The following GPR37L1 variants were observed in gnomAD, a reference collection of about 807,000 sequenced individuals.
GPR37L1 encodes G protein-coupled receptor 37 like 1, also known as G protein-coupled receptor 37-like 1.
A neutral mutation model predicts 18.0 loss-of-function variants in GPR37L1; 18 were observed. That is an observed-to-expected ratio of 1.00 (90% CI 0.69 to 1.49). GPR37L1 has a LOEUF of 1.49. Ranked by LOEUF, GPR37L1 falls within the 40% of genes most tolerant of loss-of-function variation. The pLI is 0.00. For synonymous variants in GPR37L1, 256 were observed against 273.9 expected (o/e 0.93, Z 0.65); for missense variants, 558 against 615.1 (o/e 0.91, Z 0.98).
Position 202,128,355 on chromosome 1 carries a change from G to T in GPR37L1, c.1245G>T (p.Leu415=). Residue 415 remains leucine (L), a synonymous_variant, in exon 2 of 2, where the codon CTG becomes CTT. Coordinates refer to ENST00000367282, the MANE Select transcript of GPR37L1 (RefSeq NM_004767.5). ...TFFKGAITPV[L]LLCICRPLGQ... ...TCAAGGGCGCCATCACCCCAGTGCT[G>T]CTCCTTTGCATCTGCAGGCCGCTGG... 6.2e-7 allele frequency: 1 copy of T among 1,614,214 alleles called. No homozygotes were observed. The highest frequency in any genetic ancestry group is 8.5e-7 in the Non-Finnish European group (1 of 1,180,046).
Position 202,123,097 on chromosome 1 carries a change from A to G in GPR37L1, c.134A>G (p.Lys45Arg). Residue 45 changes from lysine (K) to arginine (R), a missense_variant, in exon 1 of 2, where the codon AAG (lysine) becomes AGG (arginine). By Grantham distance (26) the Lys-to-Arg change is conservative. Coordinates refer to ENST00000367282, the MANE Select transcript of GPR37L1 (RefSeq NM_004767.5). ...ACCCAGGAGCAGCAGAGCCGATCCA[A>G]GAGGGGCACCGAGGATGAGGAGGCC... ...AETQEQQSRS[K>R]RGTEDEEAKG... is the part of the protein sequence containing the mutation. 1 of 1,613,780 alleles carries G rather than the reference A, an allele frequency of 6.2e-7. No individual in the cohort carries two copies. The highest frequency in any genetic ancestry group is 8.5e-7 in the Non-Finnish European group (1 of 1,179,922).
In GPR37L1 at chr1:202,128,476, A is replaced by G. The variant is rs1469979555; in HGVS notation, c.1366A>G (p.Lys456Glu). Reference protein sequence around the residue: ...SAANGSDNKLKTEVSSSIYFH... With the variant: ...SAANGSDNKLETEVSSSIYFH... ...TGCCAATGGGTCGGACAACAAGCTC[A>G]AGACCGAGGTGTCCTCTTCCATCTA... Residue 456 changes from lysine (K) to glutamate (E), a missense_variant, in exon 2 of 2, where the codon AAG becomes GAG. Transcript: ENST00000367282. 6.2e-7 allele frequency: 1 copy of G among 1,609,852 alleles called. No homozygotes were observed. Among genetic ancestry groups the G allele is most frequent in the Non-Finnish European group, 8.5e-7 (1 of 1,177,846 alleles).
rs2147807814 is a variant in GPR37L1, at chr1:202,130,782, C to T, written c.*2226C>T. ...CCCCCTGCCAGGCCCGGAAGTACCA[C>T]CAGCTTCCTAAGGGATGCAGGAAGG... is the stretch of plus-strand genomic sequence containing the variant. On this transcript the variant is annotated 3_prime_UTR_variant, in exon 2 of 2. Coordinates refer to ENST00000367282, the MANE Select transcript of GPR37L1 (RefSeq NM_004767.5). The T allele has an allele frequency of 6.6e-6, 1 of 152,456 alleles. No individual in the cohort carries two copies. Among genetic ancestry groups the T allele is most frequent in the South Asian group, 2.1e-4 (1 of 4,836 alleles). The allele number at this position is 152,456 out of a possible 1,614,324, so 9.4% of individuals were successfully genotyped here. A position where few individuals can be genotyped will look rare whatever the true frequency, so the allele number is the denominator to read the frequency against.
In GPR37L1 at chr1:202,128,349, A is replaced by G. The variant is rs1654735290; in HGVS notation, c.1239A>G (p.Pro413=). Residue 413 remains proline, a synonymous_variant, in exon 2 of 2, where the codon CCA becomes CCG. Transcript: ENST00000367282. The part of the protein sequence containing the change: ...FSTFFKGAIT[P]VLLLCICRPL... ...CCTTCTTCAAGGGCGCCATCACCCC[A>G]GTGCTGCTCCTTTGCATCTGCAGGC... The G allele has an allele frequency of 3.7e-6, 6 of 1,614,148 alleles. No homozygotes were observed. Among genetic ancestry groups the G allele is most frequent in the Non-Finnish European group, 5.1e-6 (6 of 1,180,018 alleles).
intron 1 of GPR37L1, among the ~76,000 whole-genome samples, chr1:202,126,322 C>A (rs1250210483): frequency 6.6e-6 from 1 of 151,892 alleles, no homozygotes; most frequent in Non-Finnish European, 1.5e-5. Flanking sequence ...GCAGGAGAAT[C>A]ACTTGAACCC....
At chr1:202,126,535 G>A (rs1437126679) in intron 1 of GPR37L1, among the ~76,000 whole-genome samples, 1 of 152,222 alleles carries the variant, frequency 6.6e-6, no homozygotes, top group African/African-American at 2.4e-5. Flanking sequence ...TGTGCTAAAA[G>A]CTGGGGATTG....
In GPR37L1 at chr1:202,128,745, C is replaced by T; in HGVS notation, c.*189C>T. ...CCTTTCCTGTCCCTTGTGGGGCCTTCCAACCCTGTCCTTTCCACTGGTGGG... is the reference window on the plus strand; with the variant it reads ...CCTTTCCTGTCCCTTGTGGGGCCTTTCAACCCTGTCCTTTCCACTGGTGGG... On this transcript the variant is annotated 3_prime_UTR_variant, in exon 2 of 2. Transcript: ENST00000367282. 1 of 562,396 alleles carries T rather than the reference C, an allele frequency of 1.8e-6. No homozygotes were observed. Among genetic ancestry groups the T allele is most frequent in the Non-Finnish European group, 3.2e-6 (1 of 317,358 alleles). The allele number at this position is 562,396 out of a possible 1,614,324, so 34.8% of individuals were successfully genotyped here.
At position 202,127,753 on chromosome 1, in the gene GPR37L1, G is replaced by A; in HGVS notation, c.643G>A (p.Gly215Arg). The A allele has an allele frequency of 1.3e-6, 2 of 1,573,638 alleles. No homozygotes were observed. The highest frequency in any genetic ancestry group is 1.2e-5 in the South Asian group (1 of 84,192). The change falls in exon 2 of 2, where the codon GGA becomes AGA. Residue 215 changes from glycine to arginine, a missense_variant. Physicochemically the swap from Gly to Arg is moderately radical, Grantham distance 125 (BLOSUM62 -2). Transcript: ENST00000367282. ...AVPFMEVSSL[G>R]VTTFSLCALG... is the part of the protein sequence containing the mutation. ...ATCCTGCCCACAGGTCTCCTCTCTGGGAGTCACGACTTTCAGCCTCTGTGC... is the reference window on the plus strand; with the variant it reads ...ATCCTGCCCACAGGTCTCCTCTCTGAGAGTCACGACTTTCAGCCTCTGTGC...
rs1192361809 is a variant in GPR37L1 at position 202,133,028 on chromosome 1, G to T, written c.*4472G>T. 6.6e-6 allele frequency: 1 copy of T among 152,586 alleles called. No homozygotes were observed. The highest frequency in any genetic ancestry group is 2.4e-5 in the African/African-American group (1 of 41,438). The allele number at this position is 152,586 out of a possible 1,614,324, so 9.5% of individuals were successfully genotyped here. On this transcript the variant is annotated 3_prime_UTR_variant, in exon 2 of 2. Transcript: ENST00000367282. ...TGAGATCCAGGGCCTGGGAAAGAGG[G>T]GCTGAGGCCTGAACTGGGCCTAAGG...
intron 1 of GPR37L1, among the ~76,000 whole-genome samples, chr1:202,124,706 T>A (rs1654610073): frequency 6.6e-6 from 1 of 152,182 alleles, no homozygotes; most frequent in South Asian, 2.1e-4. Flanking sequence ...GGATCAGCAT[T>A]ACGGACACAG....
At chr1:202,125,567 A>G (rs79438068) in intron 1 of GPR37L1, among the ~76,000 whole-genome samples, 10,692 of 152,170 alleles carry the variant, frequency 0.07, 439 homozygotes, top group Middle Eastern at 0.14. Flanking sequence ...GACATATGTA[A>G]TGTCCTCCTG....
At position 202,128,200 on chromosome 1, in the gene GPR37L1, C is replaced by T; in HGVS notation, c.1090C>T (p.Leu364=). Residue 364 remains leucine, a synonymous_variant, in exon 2 of 2, where the codon CTG becomes TTG. Transcript: ENST00000367282. The stretch of plus-strand genomic sequence containing the variant: ...CCAGCTCAACAGCACCGTGGTGGGC[C>T]TGACCGTGGTCTACGCCTTCTGCAC... ...ESQLNSTVVG[L]TVVYAFCTLP... 1.2e-6 allele frequency: 2 copies of T among 1,613,970 alleles called. No homozygotes were observed. The highest frequency in any genetic ancestry group is 1.7e-6 in the Non-Finnish European group (2 of 1,180,004).
Position 202,128,191 on chromosome 1 carries a change from G to A in GPR37L1, c.1081G>A (p.Val361Met), listed in dbSNP as rs114687119. ...GTGTGAGAGCCAGCTCAACAGCACC[G>A]TGGTGGGCCTGACCGTGGTCTACGC... The part of the protein sequence containing the change: ...EQCESQLNST[V>M]VGLTVVYAFC... Residue 361 changes from valine (V) to methionine (M), a missense_variant, in exon 2 of 2, where the codon GTG becomes ATG. By Grantham distance (21) the Val-to-Met change is conservative. Transcript: ENST00000367282. 2.7e-4 allele frequency: 431 copies of A among 1,613,932 alleles called. 1 individual carries two copies. The highest frequency in any genetic ancestry group is 1.8e-3 in the Middle Eastern group (11 of 6,062).
rs745906677 is a variant in GPR37L1 at position 202,128,456 on chromosome 1, A to G, written c.1346A>G (p.Asn449Ser). The G allele has an allele frequency of 9.9e-6, 16 of 1,610,216 alleles. No homozygotes were observed. In the East Asian group the frequency reaches 2.0e-4, roughly 20 times the overall value. Residue 449 changes from asparagine to serine, a missense_variant, in exon 2 of 2, where the codon AAT becomes AGT. Transcript: ENST00000367282. The stretch of plus-strand genomic sequence containing the variant: ...GGGGCTTCGGAGGCCTCTGCTGCCA[A>G]TGGGTCGGACAACAAGCTCAAGACC... Reference protein sequence around the residue: ...CGGASEASAANGSDNKLKTEV... With the variant: ...CGGASEASAASGSDNKLKTEV...
Position 202,123,123 on chromosome 1 carries a change from A to T in GPR37L1, c.160A>T (p.Lys54Ter), listed in dbSNP as rs759064184. 8.7e-6 allele frequency: 14 copies of T among 1,613,702 alleles called. No homozygotes were observed. Among genetic ancestry groups the T allele is most frequent in the Non-Finnish European group, 1.2e-5 (14 of 1,179,848 alleles). ...SKRGTEDEEAKGVQQYVPEEW... is the reference protein window; with the variant it reads ...SKRGTEDEEA ...GAGGGGCACCGAGGATGAGGAGGCC[A>T]AGGGCGTGCAGCAGTATGTGCCTGA... Residue 54 changes from lysine to a stop codon, truncating the protein, a stop_gained, in exon 1 of 2, where the codon AAG (lysine) becomes TAG (stop). Coordinates refer to ENST00000367282, the MANE Select transcript of GPR37L1 (RefSeq NM_004767.5). LOFTEE classifies it high-confidence loss of function.
rs1367916874 is a variant in GPR37L1 at position 202,133,185 on chromosome 1, A to T, written c.*4629A>T. 2 of 152,322 alleles carry T rather than the reference A, an allele frequency of 1.3e-5. No individual in the cohort carries two copies. The highest frequency in any genetic ancestry group is 2.9e-5 in the Non-Finnish European group (2 of 68,110). The allele number at this position is 152,322 out of a possible 1,614,324, so 9.4% of individuals were successfully genotyped here. A position where few individuals can be genotyped will look rare whatever the true frequency, so the allele number is the denominator to read the frequency against. ...GCTGCTGGCTCAAAGCTGGGACTAC[A>T]TGAAAGTCTGAAAAGAGAATGAGAA... On this transcript the variant is annotated 3_prime_UTR_variant, in exon 2 of 2. Transcript: ENST00000367282.
rs1448660596 is a variant in GPR37L1 at position 202,129,413 on chromosome 1, C to T, written c.*857C>T. The T allele has an allele frequency of 6.5e-6, 1 of 152,714 alleles. No homozygotes were observed. Among genetic ancestry groups the T allele is most frequent in the Non-Finnish European group, 1.5e-5 (1 of 68,416 alleles). The allele number at this position is 152,714 out of a possible 1,614,324, so 9.5% of individuals were successfully genotyped here. A position where few individuals can be genotyped will look rare whatever the true frequency, so the allele number is the denominator to read the frequency against. Reference sequence around the variant, plus strand: ...ATTTCTCTCTCCTTCCTCCTCCTTTCTTTGGGATCCCTGGGTTGCCCTGTC... The same window carrying T: ...ATTTCTCTCTCCTTCCTCCTCCTTTTTTTGGGATCCCTGGGTTGCCCTGTC... On this transcript the variant is annotated 3_prime_UTR_variant, in exon 2 of 2. Coordinates refer to ENST00000367282, the MANE Select transcript of GPR37L1 (RefSeq NM_004767.5).
rs779353990 is a variant in GPR37L1, at chr1:202,128,358, C to T, written c.1248C>T (p.Leu416=). The T allele has an allele frequency of 6.2e-7, 1 of 1,614,240 alleles. No individual in the cohort carries two copies. Among genetic ancestry groups the T allele is most frequent in the Admixed American group, 1.7e-5 (1 of 60,034 alleles). The stretch of plus-strand genomic sequence containing the variant: ...AGGGCGCCATCACCCCAGTGCTGCT[C>T]CTTTGCATCTGCAGGCCGCTGGGCC... The part of the protein sequence containing the change: ...FFKGAITPVL[L]LCICRPLGQA... The change falls in exon 2 of 2, where the codon CTC becomes CTT. Residue 416 remains leucine (L), a synonymous_variant. Transcript: ENST00000367282.
At chr1:202,125,342 T>C (rs1654631873) in intron 1 of GPR37L1, among the ~76,000 whole-genome samples, 1 of 152,132 alleles carries the variant, frequency 6.6e-6, no homozygotes, top group Non-Finnish European at 1.5e-5. Flanking sequence ...TTACTTTAAC[T>C]ACCTAAATCT....
Sources: gnomAD v4.1 joint callset for allele counts (sites outside exome capture counted in the v4.1 genomes callset) on GRCh38, gnomAD v4.1.1 for gene constraint, MANE v1.5 for transcripts, NCBI Gene and HGNC (gene_info 2026-07-23, HGNC 2026-07-21) for gene names.